FARP2: variants seen among roughly 807,000 people sequenced by gnomAD.
FARP2 encodes FERM, ARH/RhoGEF and pleckstrin domain protein 2.
FARP2 carries 111 observed loss-of-function variants against 130.5 expected under a neutral mutation model. That is an observed-to-expected ratio of 0.85 (90% CI 0.73 to 1.00). The LOEUF (loss-of-function observed/expected upper bound fraction) is 1.00. Ranked by LOEUF, FARP2 falls within the 50% of genes least tolerant of loss-of-function variation. The pLI is 0.00. For synonymous variants in FARP2, 504 were observed against 516.9 expected (o/e 0.98, Z 0.34); for missense variants, 1,385 against 1,346.3 (o/e 1.03, Z -0.45).
At chr2:241,440,678 A>G (rs1390476385) in intron 12 of FARP2, among the ~76,000 whole-genome samples, 1 of 152,126 alleles carries the variant, frequency 6.6e-6, no homozygotes, top group African/African-American at 2.4e-5. Flanking sequence ...ATGAGTGCGC[A>G]TTACTGTAGA....
intron 15 of FARP2, among the ~76,000 whole-genome samples, chr2:241,463,071 A>G (rs2064068627): frequency 6.6e-6 from 1 of 152,220 alleles, no homozygotes. Flanking sequence ...ATTCTAAGTC[A>G]GGTCAGAACA....
At chr2:241,401,939 A>C (rs2150345228) in intron 2 of FARP2, among the ~76,000 whole-genome samples, 1 of 152,084 alleles carries the variant, frequency 6.6e-6, no homozygotes, top group South Asian at 2.1e-4. Context: ...ACAGGCGTGC[A>C]CCACCATACC....
At chr2:241,460,447 C>CG (rs71406460) in intron 14 of FARP2, among the ~76,000 whole-genome samples, 44 of 145,894 alleles carry the variant, frequency 3.0e-4, no homozygotes, top group East Asian at 2.6e-3. Context: ...CTTGGCTAAC[C>CG]TTTTTTTTTT....
rs148671016 is a variant in FARP2, at chr2:241,417,025, G to A, written c.624-937G>A. On this transcript the variant is annotated intron_variant, in intron 7 of 26. Coordinates refer to ENST00000264042, the MANE Select transcript of FARP2 (RefSeq NM_014808.4). ...TTTAAGATGAAAAGGAGATGGCCGG[G>A]CGCAGTGGCTCTCGCCTGTAATCCC... is the stretch of plus-strand genomic sequence containing the variant. 5.8e-4 allele frequency among the ~76,000 whole-genome samples: 89 copies of A among 152,288 alleles called. No homozygotes were observed. In the East Asian group the frequency reaches 0.01, roughly 17 times the overall value.
chr2:241,471,335 G>A (rs951673313), intron 18 of FARP2: 1 of 151,814 alleles, frequency 6.6e-6, no homozygotes, highest in African/African-American at 2.4e-5. Context: ...ATGCTGATCT[G>A]AGGGGACCCT....
At chr2:241,427,345 A>G (rs1254089286) in intron 8 of FARP2, among the ~76,000 whole-genome samples, 1 of 152,192 alleles carries the variant, frequency 6.6e-6, no homozygotes, top group East Asian at 1.9e-4. Context: ...TACATAAGTA[A>G]TCTAGAAATG....
intron 8 of FARP2, among the ~76,000 whole-genome samples, chr2:241,430,981 T>A (rs2063075168): frequency 6.7e-6 from 1 of 150,352 alleles, no homozygotes; most frequent in East Asian, 2.0e-4. Context: ...GCCTAGGTGA[T>A]AGAGTGAGAC....
intron 1 of FARP2, among the ~76,000 whole-genome samples, chr2:241,362,876 C>T (rs1372123668): frequency 6.6e-6 from 1 of 152,186 alleles, no homozygotes; most frequent in Non-Finnish European, 1.5e-5. Flanking sequence ...AATCAATCCT[C>T]TTACCCCTCC....
intron 20 of FARP2, 43 bp downstream of exon 20, chr2:241,483,576 G>T (rs549709793): frequency 2.5e-6 from 4 of 1,585,280 alleles, no homozygotes; most frequent in Non-Finnish European, 2.6e-6. Flanking sequence ...CCCCGAGGGG[G>T]ATGGGCAGCA....
At chr2:241,437,072 T>C (rs2063249953) in intron 12 of FARP2, among the ~76,000 whole-genome samples, 1 of 150,506 alleles carries the variant, frequency 6.6e-6, no homozygotes, top group Non-Finnish European at 1.5e-5. Context: ...CTCTCATCTG[T>C]GCCAGATGAC....
chr2:241,360,129 A>G (rs1290923235), intron 1 of FARP2, among the ~76,000 whole-genome samples: 1 of 152,096 alleles, frequency 6.6e-6, no homozygotes, highest in South Asian at 2.1e-4. Flanking sequence ...TTTGTCCACT[A>G]TATAGGGGGG....
Position 241,491,657 on chromosome 2 carries a change from C to A in FARP2, c.2765C>A (p.Ala922Glu), listed in dbSNP as rs372738616. ...TACCGGAACACCAGCGTGTCCAGGG[C>A]AGACCACAGTGCAGCTGTCGAGGTA... ...CWYRNTSVSR[A>E]DHSAAVENQL... Residue 922 changes from alanine to glutamate, a missense_variant, in exon 24 of 27, where the codon GCA becomes GAA. Coordinates refer to ENST00000264042, the MANE Select transcript of FARP2 (RefSeq NM_014808.4). The A allele has an allele frequency of 3.1e-6, 5 of 1,609,772 alleles. No homozygotes were observed. The African/African-American group carries it at 5.3e-5, about 17-fold the overall frequency.
rs573181297 is a variant in FARP2 at position 241,459,999 on chromosome 2, G to A, written c.1588-2524G>A. ...GCCCCTGGAGGAGTGGAGCTGCTCC[G>A]GGACTCGAGCATCCTGTTTCTTTCT... On this transcript the variant is annotated intron_variant, in intron 14 of 26. Transcript: ENST00000264042. The surrounding 1 kb of genome is among the most constrained non-coding windows in gnomAD (Gnocchi z 5.3). 1.6e-4 allele frequency among the ~76,000 whole-genome samples: 25 copies of A among 152,244 alleles called. No homozygotes were observed. In the East Asian group the frequency reaches 1.9e-3, roughly 12 times the overall value.
chr2:241,407,533 A>G lies in FARP2; in HGVS notation c.332-4A>G, dbSNP rs754567012. On this transcript the variant is annotated splice_region_variant and splice_polypyrimidine_tract_variant and intron_variant, in intron 4 of 26. Transcript: ENST00000264042. ...TTTGTGAAGTTTAAATTTTTTTGTT[A>G]TAGGGCCAAAGAATGTGGTGCTTCG... 9 of 1,612,580 alleles carry G rather than the reference A, an allele frequency of 5.6e-6. No individual in the cohort carries two copies. Among genetic ancestry groups the G allele is most frequent in the Non-Finnish European group, 8.5e-7 (1 of 1,178,682 alleles).
Position 241,373,234 on chromosome 2 carries a change from C to T in FARP2, c.127C>T (p.His43Tyr). Residue 43 changes from histidine to tyrosine, a missense_variant, in exon 2 of 27, where the codon CAC (histidine) becomes TAC (tyrosine). Physicochemically the swap from His to Tyr is moderately conservative, Grantham distance 83. Transcript: ENST00000264042. ...TCTCTTGCCCAGAATGCAAGAGAAGCACCTGCACCTCAGAGTAAAGCTGCT... is the reference window on the plus strand; with the variant it reads ...TCTCTTGCCCAGAATGCAAGAGAAGTACCTGCACCTCAGAGTAAAGCTGCT... Reference protein sequence around the residue: ...QTLLPRMQEKHLHLRVKLLDN... With the variant: ...QTLLPRMQEKYLHLRVKLLDN... 1 of 1,559,502 alleles carries T rather than the reference C, an allele frequency of 6.4e-7. No homozygotes were observed. Among genetic ancestry groups the T allele is most frequent in the Non-Finnish European group, 8.7e-7 (1 of 1,145,868 alleles).
chr2:241,441,574 G>C lies in FARP2; in HGVS notation c.1411+18G>C. On this transcript the variant is annotated intron_variant, in intron 13 of 26. Coordinates refer to ENST00000264042, the MANE Select transcript of FARP2 (RefSeq NM_014808.4). ...TGGTCCAGGTGTCGGGTTTTGTCAT[G>C]TCGTGAGCAGCTGTGGTTCTGTCTG... 1.9e-6 allele frequency: 3 copies of C among 1,613,896 alleles called. No homozygotes were observed. The highest frequency in any genetic ancestry group is 2.5e-6 in the Non-Finnish European group (3 of 1,180,044).
intron 13 of FARP2, among the ~76,000 whole-genome samples, chr2:241,453,225 G>A (rs1045063648): frequency 2.0e-5 from 3 of 151,880 alleles, no homozygotes; most frequent in African/African-American, 7.3e-5. Flanking sequence ...AGCTACTCAG[G>A]AGGCTGAGGC....
intron 2 of FARP2, among the ~76,000 whole-genome samples, chr2:241,402,644 TA>T (rs2062198298): frequency 6.6e-6 from 1 of 151,358 alleles, no homozygotes; most frequent in Admixed American, 6.6e-5. Context: ...GTGAGTAATG[TA>T]CAATAAAACT....
At chr2:241,390,186 C>T (rs754682926) in intron 2 of FARP2, among the ~76,000 whole-genome samples, 4 of 152,182 alleles carry the variant, frequency 2.6e-5, no homozygotes, top group Non-Finnish European at 4.4e-5. Context: ...TTGCTCTGTC[C>T]CTATTGCTAG....
Sources: allele counts gnomAD v4.1 joint callset (sites outside exome capture counted in the v4.1 genomes callset), GRCh38; gene constraint gnomAD v4.1.1; non-coding constraint Gnocchi (gnomAD v3.1); transcripts MANE v1.5; gene names NCBI Gene and HGNC (gene_info 2026-07-23, HGNC 2026-07-21).